CIZ1: variants seen among roughly 807,000 people sequenced by gnomAD.
CIZ1 encodes the protein cip1-interacting zinc finger protein.
In CIZ1, 58 loss-of-function variants were observed where a neutral mutation model predicts 118.6. That is an observed-to-expected ratio of 0.49 (90% CI 0.40 to 0.61). The LOEUF (loss-of-function observed/expected upper bound fraction) is 0.61. CIZ1 is among the 20% of genes least tolerant of loss of function. The probability of loss-of-function intolerance (pLI) is 0.00; values close to 1 mark genes in which losing one functional copy is unlikely to be tolerated. For missense variants in CIZ1, 921 were observed against 1,115.9 expected (o/e 0.83, Z 2.49); for synonymous variants, 448 against 443.4 (o/e 1.01, Z -0.13).
At chr9:128,199,956 T>C (rs1226022002) in intron 1 of CIZ1, 3 of 151,858 alleles carry the variant, frequency 2.0e-5, no homozygotes, top group Non-Finnish European at 4.4e-5. Flanking sequence ...GCCCAGCTAA[T>C]TTTTGTATAT....
chr9:128,203,638 G>A lies in CIZ1; in HGVS notation c.-6+548C>T. 1.3e-6 allele frequency: 2 copies of A among 1,519,712 alleles called. No individual in the cohort carries two copies. Among genetic ancestry groups the A allele is most frequent in the Non-Finnish European group, 1.8e-6 (2 of 1,140,786 alleles). The allele number at this position is 1,519,712 out of a possible 1,614,324, so 94.1% of individuals were successfully genotyped here. On this transcript the variant is annotated intron_variant, in intron 1 of 17. Coordinates refer to the CIZ1 transcript ENST00000372948. The surrounding 1 kb of genome is among the most constrained non-coding windows in gnomAD (Gnocchi z 5.3). Reference sequence around the variant, plus strand: ...TCGAGAATTTCGTAGGCAGGTAGGCGCGGCGCGCCCCCAGGCGCCGACCCC... The same window carrying A: ...TCGAGAATTTCGTAGGCAGGTAGGCACGGCGCGCCCCCAGGCGCCGACCCC...
chr9:128,201,720 C>T (rs966468828), intron 1 of CIZ1, among the ~76,000 whole-genome samples: 5 of 152,224 alleles, frequency 3.3e-5, no homozygotes, highest in African/African-American at 1.2e-4. Context: ...CCCCTGAGCA[C>T]TAGGCCTGGG....
Position 128,169,032 on chromosome 9 carries a change from C to T in CIZ1, c.2295+20G>A, listed in dbSNP as rs1352078923. The T allele has an allele frequency of 6.2e-7, 1 of 1,613,868 alleles. No individual in the cohort carries two copies. Among genetic ancestry groups the T allele is most frequent in the Admixed American group, 1.7e-5 (1 of 60,016 alleles). On this transcript the variant is annotated intron_variant, in intron 14 of 16. Transcript: ENST00000372938. Reference sequence around the variant, plus strand: ...GGGAATCCAGCACCAAGCCCGCCTCCCACACCCTCCCCCCAGCACCTGCTT... The same window carrying T: ...GGGAATCCAGCACCAAGCCCGCCTCTCACACCCTCCCCCCAGCACCTGCTT...
chr9:128,166,071 G>C lies in CIZ1; in HGVS notation c.*126C>G. The C allele has an allele frequency of 1.4e-6, 1 of 727,514 alleles. No homozygotes were observed. The highest frequency in any genetic ancestry group is 2.1e-6 in the Non-Finnish European group (1 of 481,502). 45.1% of individuals were successfully genotyped at this position (727,514 alleles called of 1,614,324 possible). A position where few individuals can be genotyped will look rare whatever the true frequency, so the allele number is the denominator to read the frequency against. On this transcript the variant is annotated 3_prime_UTR_variant, in exon 17 of 17. Coordinates refer to ENST00000372938, the MANE Select transcript of CIZ1 (RefSeq NM_001131016.2). This position sits in a 1 kb window ranked among gnomAD's most constrained non-coding sequence, Gnocchi z 4.4. Reference sequence around the variant, plus strand: ...CAGAAGTACTGGTGGGAACTGCACAGCCAAACTACCTTGTTTTATTGGATT... The same window carrying C: ...CAGAAGTACTGGTGGGAACTGCACACCCAAACTACCTTGTTTTATTGGATT...
chr9:128,199,429 G>A (rs1054654677), intron 1 of CIZ1, among the ~76,000 whole-genome samples: 2 of 151,888 alleles, frequency 1.3e-5, no homozygotes, highest in Non-Finnish European at 2.9e-5. Context: ...AGCCATGTAT[G>A]GTGGCTCACA....
chr9:128,201,541 G>A (rs1174524334), intron 1 of CIZ1, among the ~76,000 whole-genome samples: 2 of 152,200 alleles, frequency 1.3e-5, no homozygotes, highest in Non-Finnish European at 2.9e-5. Flanking sequence ...ACCCCCTCCT[G>A]GTGCCAGTCA....
In CIZ1 at chr9:128,199,265, G is replaced by A. The variant is rs187074709; in HGVS notation, c.-6+4921C>T. ...CACCTGTAATCCCAGCTACTCAGGA[G>A]GCTGAAGCAGGAGAATTGCTTGAGC... On this transcript the variant is annotated intron_variant, in intron 1 of 17. Transcript: ENST00000372948. Among the ~76,000 whole-genome samples, 258 of 152,102 alleles carry A rather than the reference G, an allele frequency of 1.7e-3. 3 individuals carry two copies. Among genetic ancestry groups the A allele is most frequent in the African/African-American group, 6.0e-3 (250 of 41,446 alleles).
intron 1 of CIZ1, chr9:128,198,294 C>G (rs1233732379): frequency 6.6e-6 from 1 of 152,294 alleles, no homozygotes; most frequent in Non-Finnish European, 1.5e-5. Context: ...GCAGGATGAT[C>G]CCTGCGTCTT....
At position 128,200,442 on chromosome 9, in the gene CIZ1, G is replaced by A. The variant is rs189949917; in HGVS notation, c.-6+3744C>T. ...TGGGAGGCTGAGGCGGACAGATCAT[G>A]AGGTCAGGAGTTTGAGACCAGCCTG... On this transcript the variant is annotated intron_variant, in intron 1 of 17. Coordinates refer to the CIZ1 transcript ENST00000372948. Among the ~76,000 whole-genome samples the A allele has an allele frequency of 1.7e-3, 256 of 151,314 alleles. 1 individual carries two copies. Among genetic ancestry groups the A allele is most frequent in the African/African-American group, 6.0e-3 (247 of 41,148 alleles).
chr9:128,166,742 C>T lies in CIZ1; in HGVS notation c.2487+17G>A. 6.2e-7 allele frequency: 1 copy of T among 1,614,138 alleles called. No homozygotes were observed. The highest frequency in any genetic ancestry group is 2.2e-5 in the East Asian group (1 of 44,890). On this transcript the variant is annotated intron_variant, in intron 16 of 16. Transcript: ENST00000372938. This position sits in a 1 kb window ranked among gnomAD's most constrained non-coding sequence, Gnocchi z 4.4. ...AGTCTGTGGCCAGGGGAGGACAGGG[C>T]AGGATGTCCGGCTCACCTGCAGGTT...
chr9:128,184,900 C>T (rs1023115917), intron 5 of CIZ1, among the ~76,000 whole-genome samples: 2 of 152,080 alleles, frequency 1.3e-5, no homozygotes, highest in African/African-American at 4.8e-5. Flanking sequence ...GAACCTCTGA[C>T]CTCAGGTGAT....
chr9:128,202,002 C>G (rs1210649711), intron 1 of CIZ1, among the ~76,000 whole-genome samples: 1 of 152,184 alleles, frequency 6.6e-6, no homozygotes, highest in Non-Finnish European at 1.5e-5. Flanking sequence ...CTGCAGGGCA[C>G]GCCATCTAAC....
intron 12 of CIZ1, 164 bp from the exon 13 acceptor site, chr9:128,169,683 T>A: frequency 6.5e-7 from 1 of 1,537,138 alleles, no homozygotes; most frequent in East Asian, 2.4e-5. Flanking sequence ...CAAACACATC[T>A]CTTCGTGGTG....
In CIZ1 at chr9:128,166,765, G is replaced by A. The variant is rs1460906633; in HGVS notation, c.2481C>T (p.Asn827=). 3 of 1,614,108 alleles carry A rather than the reference G, an allele frequency of 1.9e-6. No individual in the cohort carries two copies. The highest frequency in any genetic ancestry group is 3.3e-5 in the Admixed American group (2 of 60,002). The change falls in exon 16 of 17, where the codon AAC becomes AAT. Residue 827 remains asparagine, a synonymous_variant. Transcript: ENST00000372938. The surrounding 1 kb of genome is among the most constrained non-coding windows in gnomAD (Gnocchi z 4.4). ...SHCKSLGHFE[N]LQKYKAAKNP... ...GGCAGGATGTCCGGCTCACCTGCAGGTTCTCAAAGTGGCCCAGGGACTTGC... is the reference window on the plus strand; with the variant it reads ...GGCAGGATGTCCGGCTCACCTGCAGATTCTCAAAGTGGCCCAGGGACTTGC...
chr9:128,177,792 A>C, intron 9 of CIZ1, 29 bp from the exon 10 acceptor site: 1 of 1,501,660 alleles, frequency 6.7e-7, no homozygotes, highest in Non-Finnish European at 9.0e-7. Flanking sequence ...CTGAACTTCC[A>C]TCAACTGTGT....
rs1833044448 is a variant in CIZ1, at chr9:128,190,822, T to C, written c.36A>G (p.Gln12=). The C allele has an allele frequency of 2.6e-6, 4 of 1,537,806 alleles. No homozygotes were observed. The highest frequency in any genetic ancestry group is 3.5e-6 in the Non-Finnish European group (4 of 1,142,290). ...GTAACTGCTGGAGCTGCTGCTGCTGTTGCTGGAGCTGCTGCTGCTGCTGCT... is the reference window on the plus strand; with the variant it reads ...GTAACTGCTGGAGCTGCTGCTGCTGCTGCTGGAGCTGCTGCTGCTGCTGCT... ...FSQQQQQQLQ[Q]QQQQLQQLQQ... The change falls in exon 2 of 17, where the codon CAA becomes CAG. Residue 12 remains glutamine (Q), a synonymous_variant. Transcript: ENST00000372938.
chr9:128,188,094 AAAAAGCAAAAGAAAG>A (rs1832657164), intron 3 of CIZ1, among the ~76,000 whole-genome samples, 160 bp from the exon 4 acceptor site: 1 of 118,154 alleles, frequency 8.5e-6, no homozygotes, highest in African/African-American at 2.8e-5. Context: ...AAAAAATTAA[AAAAAGCAAAAGAAAG>A]AAAAAAGCAA....
Position 128,169,220 on chromosome 9 carries a change from A to G in CIZ1, c.2146-19T>C. On this transcript the variant is annotated intron_variant, in intron 13 of 16. Coordinates refer to ENST00000372938, the MANE Select transcript of CIZ1 (RefSeq NM_001131016.2). ...ACTTCAGCTGCCCAGGGAGTAGGCA[A>G]GGAGCTCAGGTCAGCTCTGAACAGC... 1 of 1,613,766 alleles carries G rather than the reference A, an allele frequency of 6.2e-7. No homozygotes were observed. Among genetic ancestry groups the G allele is most frequent in the Non-Finnish European group, 8.5e-7 (1 of 1,179,716 alleles).
At position 128,200,506 on chromosome 9, in the gene CIZ1, A is replaced by C. The variant is rs555385299; in HGVS notation, c.-6+3680T>G. On this transcript the variant is annotated intron_variant, in intron 1 of 17. Transcript: ENST00000372948. The stretch of plus-strand genomic sequence containing the variant: ...AACCCCGTCTCTACTAAAAATACAA[A>C]AATTAGCTGGGCACAGTGGCGAGCA... 1.1e-3 allele frequency among the ~76,000 whole-genome samples: 168 copies of C among 151,950 alleles called. 2 individuals are homozygous for C. Among genetic ancestry groups the C allele is most frequent in the African/African-American group, 3.9e-3 (162 of 41,364 alleles).
Sources: gnomAD v4.1 joint callset for allele counts (sites outside exome capture counted in the v4.1 genomes callset) on GRCh38, gnomAD v4.1.1 for gene constraint, Gnocchi (gnomAD v3.1) non-coding constraint, MANE v1.5 for transcripts, NCBI Gene and HGNC (gene_info 2026-07-23, HGNC 2026-07-21) for gene names.